The following ADGRB3 variants were observed in gnomAD, a reference collection of about 807,000 sequenced individuals.
ADGRB3 encodes brain-specific angiogenesis inhibitor 3.
Under a neutral mutation model 193.4 loss-of-function variants are expected in ADGRB3, and 37 were observed. That is an observed-to-expected ratio of 0.19 (90% confidence interval 0.15 to 0.25). The LOEUF (loss-of-function observed/expected upper bound fraction) is 0.25, where lower values mean the gene tolerates loss of function less well. Ranked by LOEUF, ADGRB3 falls within the 10% of genes least tolerant of loss-of-function variation. The probability of loss-of-function intolerance (pLI) is 1.00; values close to 1 mark genes in which losing one functional copy is unlikely to be tolerated. For missense variants in ADGRB3, 1,637 were observed against 1,852.9 expected, an observed-to-expected ratio of 0.88 and a Z score of 2.14; for synonymous variants, 690 against 644.2, an observed-to-expected ratio of 1.07 and a Z score of -1.08.
In ADGRB3 at chr6:68,850,537, C is replaced by A. The variant is rs561520704; in HGVS notation, c.758-80022C>A. Among the ~76,000 whole-genome samples the A allele has an allele frequency of 2.6e-5, 4 of 151,592 alleles. No individual in the cohort carries two copies. In the East Asian group the frequency reaches 5.8e-4, roughly 22 times the overall value. On this transcript the variant is annotated intron_variant, in intron 3 of 31. Transcript: ENST00000370598. ...CTGAATAGTCAATAGGTTGAGTAGG[C>A]CATGTCTTATTGTTGACTATGTCAA...
intron 31 of ADGRB3, among the ~76,000 whole-genome samples, chr6:69,387,605 G>A (rs1246860063): frequency 6.6e-6 from 1 of 151,826 alleles, no homozygotes; most frequent in Non-Finnish European, 1.5e-5. Context: ...TTTTTATGTT[G>A]CCCAGGCTGG....
intron 20 of ADGRB3, among the ~76,000 whole-genome samples, chr6:69,260,395 G>T (rs1231735970): frequency 6.6e-6 from 1 of 152,144 alleles, no homozygotes; most frequent in African/African-American, 2.4e-5. Context: ...TTCAAGCAGT[G>T]TGAGGGAAGT....
chr6:68,760,676 T>C (rs184919424), intron 3 of ADGRB3, among the ~76,000 whole-genome samples: 1 of 152,288 alleles, frequency 6.6e-6, no homozygotes. Context: ...GTAGCAGCTG[T>C]CCACACAGGT....
chr6:69,149,924 CTGTGTGTGTGTGTGTG>C (rs1167142377), intron 17 of ADGRB3, among the ~76,000 whole-genome samples: 2,892 of 128,954 alleles, frequency 0.022, 56 homozygotes, highest in Non-Finnish European at 0.036. Flanking sequence ...GTCTGTCTTT[CTGTGTGTGTGTGTGTG>C]TGTGTGTGTG....
chr6:69,306,085 G>A (rs1195861820), intron 20 of ADGRB3, among the ~76,000 whole-genome samples: 1 of 151,476 alleles, frequency 6.6e-6, no homozygotes. Flanking sequence ...AGCATCCCTG[G>A]ATTTGGGTAC....
intron 20 of ADGRB3, among the ~76,000 whole-genome samples, chr6:69,250,301 T>C (rs1766593128): frequency 7.3e-6 from 1 of 137,288 alleles, no homozygotes; most frequent in Non-Finnish European, 1.5e-5. Context: ...TACAAATTAG[T>C]TCTGCTTTTC....
chr6:68,681,219 C>T (rs1764888542), intron 3 of ADGRB3, among the ~76,000 whole-genome samples: 1 of 152,172 alleles, frequency 6.6e-6, no homozygotes, highest in Admixed American at 6.5e-5. Flanking sequence ...CCCTTACAAC[C>T]CAAATACCTC....
intron 3 of ADGRB3, among the ~76,000 whole-genome samples, chr6:68,913,440 A>G (rs1766781493): frequency 6.6e-6 from 1 of 152,220 alleles, no homozygotes; most frequent in Non-Finnish European, 1.5e-5. Flanking sequence ...CAGGGTCTGG[A>G]GTGGACCTCT....
intron 16 of ADGRB3, among the ~76,000 whole-genome samples, chr6:69,068,536 G>A (rs1771978024): frequency 6.6e-6 from 1 of 152,124 alleles, no homozygotes; most frequent in Non-Finnish European, 1.5e-5. Context: ...ATCACATGCA[G>A]GTAGGACACT....
At chr6:68,666,351 AT>A (rs1370104108) in intron 3 of ADGRB3, among the ~76,000 whole-genome samples, 1 of 151,858 alleles carries the variant, frequency 6.6e-6, no homozygotes, top group East Asian at 1.9e-4. Context: ...CTTGACCTAT[AT>A]CTCTATGTTC....
intron 17 of ADGRB3, among the ~76,000 whole-genome samples, chr6:69,217,311 G>A (rs576949762): frequency 2.0e-5 from 3 of 152,190 alleles, no homozygotes; most frequent in Non-Finnish European, 4.4e-5. Flanking sequence ...CTGAAGGAAA[G>A]GTCTGAGATA....
chr6:68,874,628 G>A (rs548733272), intron 3 of ADGRB3, among the ~76,000 whole-genome samples: 1 of 152,072 alleles, frequency 6.6e-6, no homozygotes, highest in South Asian at 2.1e-4. Flanking sequence ...AAAACCATAT[G>A]ACTTTAAGAA....
chr6:68,958,484 CT>C (rs59026928), intron 8 of ADGRB3, among the ~76,000 whole-genome samples: 1,879 of 152,216 alleles, frequency 0.012, 34 homozygotes, highest in African/African-American at 0.041. Context: ...CTTAACTGGT[CT>C]TTTAAAATTG....
Position 68,958,436 on chromosome 6 carries a change from T to A in ADGRB3, c.1525+1627T>A, listed in dbSNP as rs535141742. Among the ~76,000 whole-genome samples, 37 of 152,264 alleles carry A rather than the reference T, an allele frequency of 2.4e-4. No homozygotes were observed. In the East Asian group the frequency reaches 6.8e-3, roughly 28 times the overall value. ...CATAATTAAATCAACCCCTTCAATA[T>A]TTGATGTTATCTAAACCAGTCTGGG... On this transcript the variant is annotated intron_variant, in intron 8 of 31. Transcript: ENST00000370598.
At chr6:69,217,084 C>T (rs949251277) in intron 17 of ADGRB3, among the ~76,000 whole-genome samples, 58 of 152,202 alleles carry the variant, frequency 3.8e-4, no homozygotes, top group African/African-American at 1.2e-3. Context: ...TTCAGCCACT[C>T]TGGAGCAAGT....
At chr6:69,270,928 A>C (rs1230141399) in intron 20 of ADGRB3, among the ~76,000 whole-genome samples, 1 of 152,126 alleles carries the variant, frequency 6.6e-6, no homozygotes, top group East Asian at 1.9e-4. Context: ...CATTTTTTTC[A>C]AACAACCCAT....
At chr6:69,157,700 T>TAAAAAAAAA (rs35319098) in intron 17 of ADGRB3, among the ~76,000 whole-genome samples, 1 of 138,362 alleles carries the variant, frequency 7.2e-6, no homozygotes, top group African/African-American at 2.7e-5. Context: ...TATCTCTCTG[T>TAAAAAAAAA]AAAAAAAAAA....
At chr6:68,958,975 T>C (rs1768158994) in intron 8 of ADGRB3, among the ~76,000 whole-genome samples, 1 of 151,914 alleles carries the variant, frequency 6.6e-6, no homozygotes, top group Non-Finnish European at 1.5e-5. Flanking sequence ...AAAAATTGCA[T>C]TGTCCATCAG....
chr6:68,827,491 C>A (rs1767867112), intron 3 of ADGRB3, among the ~76,000 whole-genome samples: 1 of 151,204 alleles, frequency 6.6e-6, no homozygotes, highest in African/African-American at 2.4e-5. Flanking sequence ...AGGGAAAAAT[C>A]TGAAGAGAGA....
Sources: allele counts gnomAD v4.1 joint callset (sites outside exome capture counted in the v4.1 genomes callset), GRCh38; gene constraint gnomAD v4.1.1; transcripts MANE v1.5; gene names NCBI Gene and HGNC (gene_info 2026-07-23, HGNC 2026-07-21).